BCL2L13: variants seen among roughly 807,000 people sequenced by gnomAD.
The protein encoded by BCL2L13 is BCL2 like 13.
In BCL2L13, 13 loss-of-function variants were observed where a neutral mutation model predicts 25.8. The ratio of observed to expected loss-of-function variants is 0.50; its 90% confidence interval spans 0.33 to 0.80. BCL2L13 has a LOEUF of 0.80. BCL2L13 is among the 30% of genes least tolerant of loss of function. BCL2L13 has a pLI of 0.02. For missense variants in BCL2L13, 504 were observed against 574.9 expected, an observed-to-expected ratio of 0.88 and a Z score of 1.26; for synonymous variants, 244 against 230.3, an observed-to-expected ratio of 1.06 and a Z score of -0.54.
intron 1 of BCL2L13, among the ~76,000 whole-genome samples, chr22:17,652,256 T>C (rs999389961): frequency 1.8e-4 from 28 of 152,066 alleles, no homozygotes; most frequent in African/African-American, 6.8e-4. Context: ...CAGGCTTGTC[T>C]CAAACTCCTA....
Position 17,726,812 on chromosome 22 carries a change from T to G in BCL2L13, c.736T>G (p.Ser246Ala). 1 of 1,613,954 alleles carries G rather than the reference T, an allele frequency of 6.2e-7. No individual in the cohort carries two copies. Among genetic ancestry groups the G allele is most frequent in the Non-Finnish European group, 8.5e-7 (1 of 1,179,842 alleles). ...CCCAGAGTCTCCAACTGTGACCACT[T>G]CCTGGCAGTCTGAGAGCTTACCTGT... ...SPPESPTVTT[S>A]WQSESLPVSL... Residue 246 changes from serine (S) to alanine (A), a missense_variant, in exon 7 of 7, where the codon TCC becomes GCC. Transcript: ENST00000317582.
intron 2 of BCL2L13, among the ~76,000 whole-genome samples, chr22:17,665,034 G>A (rs898854317): frequency 2.8e-4 from 42 of 152,184 alleles, no homozygotes; most frequent in African/African-American, 1.0e-3. Flanking sequence ...GCAAATTTCT[G>A]TATCAGGCTT....
intron 1 of BCL2L13, among the ~76,000 whole-genome samples, chr22:17,649,101 A>ATT (rs1003063155): frequency 1.4e-5 from 2 of 142,588 alleles, no homozygotes; most frequent in African/African-American, 2.6e-5. Context: ...GCCCGGCTCA[A>ATT]TTTTTTTTTT....
In BCL2L13 at chr22:17,683,235, C is replaced by A; in HGVS notation, c.143C>A (p.Ser48Ter). The change falls in exon 3 of 7, where the codon TCA (serine) becomes TAA (stop). Residue 48 changes from serine to a stop codon, truncating the protein, a stop_gained. Transcript: ENST00000317582. LOFTEE classifies it high-confidence loss of function. ...SPQGVQLDIA[S>*]QSLDQEILLK... The stretch of plus-strand genomic sequence containing the variant: ...TCAGGGGTTCAACTAGATATAGCTT[C>A]ACAATCTCTGGATCAAGAAATTTTA... The A allele has an allele frequency of 6.3e-7, 1 of 1,582,182 alleles. No homozygotes were observed. The highest frequency in any genetic ancestry group is 8.6e-7 in the Non-Finnish European group (1 of 1,157,744).
intron 2 of BCL2L13, among the ~76,000 whole-genome samples, chr22:17,667,984 T>TTTTTTTA (rs2059287754): frequency 1.1e-5 from 1 of 95,144 alleles, no homozygotes; most frequent in Non-Finnish European, 2.2e-5. Flanking sequence ...TTTTTTTTTT[T>TTTTTTTA]GAGAGCATGA....
At chr22:17,704,465 A>C (rs1036609702) in intron 6 of BCL2L13, among the ~76,000 whole-genome samples, 1 of 151,784 alleles carries the variant, frequency 6.6e-6, no homozygotes, top group Non-Finnish European at 1.5e-5. Context: ...TAAGCTCTCC[A>C]TTTGCTTGTG....
intron 5 of BCL2L13, among the ~76,000 whole-genome samples, chr22:17,697,597 T>C (rs953133582): frequency 6.6e-6 from 1 of 152,136 alleles, no homozygotes; most frequent in Non-Finnish European, 1.5e-5. Flanking sequence ...AGATAATACA[T>C]GTTCAGTACT....
At chr22:17,699,550 G>A (rs1282192787) in intron 5 of BCL2L13, among the ~76,000 whole-genome samples, 1 of 152,086 alleles carries the variant, frequency 6.6e-6, no homozygotes, top group Non-Finnish European at 1.5e-5. Flanking sequence ...AAATACTTTA[G>A]CATTTCATTG....
intron 6 of BCL2L13, among the ~76,000 whole-genome samples, chr22:17,723,027 CT>C (rs2061190860): frequency 6.6e-6 from 1 of 151,978 alleles, no homozygotes; most frequent in South Asian, 2.1e-4. Flanking sequence ...GTTTGAAATC[CT>C]TCTGTATTAA....
chr22:17,728,529 G>A lies in BCL2L13; in HGVS notation c.*995G>A, dbSNP rs185272170. 4 of 152,276 alleles carry A rather than the reference G, an allele frequency of 2.6e-5. No individual in the cohort carries two copies. In the East Asian group the frequency reaches 7.7e-4, roughly 29 times the overall value. 9.4% of individuals were successfully genotyped at this position (152,276 alleles called of 1,614,324 possible). ...CCAGCAACATCTCTATTGCTGGATG[G>A]TCCCTGTCTATAACCTTGGGCTAGT... On this transcript the variant is annotated 3_prime_UTR_variant, in exon 7 of 7. Transcript: ENST00000317582.
intron 1 of BCL2L13, among the ~76,000 whole-genome samples, chr22:17,654,005 A>G (rs984613398): frequency 3.3e-5 from 5 of 151,998 alleles, no homozygotes; most frequent in African/African-American, 1.2e-4. Context: ...GTGATTTATC[A>G]TGTTTGTCTT....
intron 2 of BCL2L13, among the ~76,000 whole-genome samples, chr22:17,662,599 A>C (rs185897494): frequency 6.6e-6 from 1 of 152,302 alleles, no homozygotes; most frequent in Admixed American, 6.5e-5. Context: ...AGGTGGGCCA[A>C]TCACTTGAGC....
At chr22:17,688,177 G>A (rs895896369) in intron 3 of BCL2L13, among the ~76,000 whole-genome samples, 2 of 151,928 alleles carry the variant, frequency 1.3e-5, no homozygotes, top group African/African-American at 2.4e-5. Flanking sequence ...GGCTGGTCTC[G>A]AACTCCTGGA....
intron 1 of BCL2L13, among the ~76,000 whole-genome samples, chr22:17,640,863 A>G (rs776954710): frequency 6.8e-5 from 10 of 147,234 alleles, no homozygotes; most frequent in Non-Finnish European, 1.2e-4. Context: ...AAATATATAT[A>G]TGTTTGTTTA....
intron 2 of BCL2L13, among the ~76,000 whole-genome samples, chr22:17,667,627 ACCT>A (rs912908768): frequency 6.6e-6 from 1 of 150,596 alleles, no homozygotes; most frequent in African/African-American, 2.4e-5. Flanking sequence ...TCCTGCCCCC[ACCT>A]CCTGAGTAGC....
chr22:17,687,172 A>G (rs896932669), intron 3 of BCL2L13, among the ~76,000 whole-genome samples: 2 of 152,160 alleles, frequency 1.3e-5, no homozygotes, highest in African/African-American at 4.8e-5. Context: ...AAATCTTGGG[A>G]GTGGGTGCAA....
intron 6 of BCL2L13, among the ~76,000 whole-genome samples, chr22:17,724,867 T>C (rs1260048510): frequency 6.6e-6 from 1 of 152,236 alleles, no homozygotes. Context: ...CGCCTTACCC[T>C]CTGGGTTGGC....
In BCL2L13 at chr22:17,708,995, G is replaced by C. The variant is rs371960507; in HGVS notation, c.600+6609G>C. On this transcript the variant is annotated intron_variant, in intron 6 of 6. Transcript: ENST00000317582. The stretch of plus-strand genomic sequence containing the variant: ...TAACGCCTGTAATACCAGCACTTTG[G>C]GAGGCCGAGGTGGGTGACTCACAAG... 2.7e-4 allele frequency among the ~76,000 whole-genome samples: 41 copies of C among 152,256 alleles called. No homozygotes were observed. The South Asian group carries it at 8.5e-3, about 32-fold the overall frequency.
intron 2 of BCL2L13, among the ~76,000 whole-genome samples, chr22:17,657,252 T>C (rs544113873): frequency 6.6e-6 from 1 of 152,362 alleles, no homozygotes; most frequent in South Asian, 2.1e-4. Flanking sequence ...CAAATAAAAT[T>C]TATGTTTTAC....
Sources: allele counts gnomAD v4.1 joint callset (sites outside exome capture counted in the v4.1 genomes callset), GRCh38; gene constraint gnomAD v4.1.1; transcripts MANE v1.5; gene names NCBI Gene and HGNC (gene_info 2026-07-23, HGNC 2026-07-21).